Variants in SNCAIP observed in about 807,000 individuals in gnomAD.
SNCAIP encodes synphilin-1.
A neutral mutation model predicts 86.7 loss-of-function variants in SNCAIP; 43 were observed. That is an observed-to-expected ratio of 0.50 (90% CI 0.39 to 0.64). SNCAIP has a LOEUF of 0.64. SNCAIP is among the 30% of genes least tolerant of loss of function. The pLI is 0.00. For synonymous variants in SNCAIP, 417 were observed against 427.2 expected (o/e 0.98, Z 0.29); for missense variants, 981 against 1,103.1 (o/e 0.89, Z 1.57).
chr5:122,429,624 G>GT (rs11399012), intron 5 of SNCAIP, among the ~76,000 whole-genome samples: 33,845 of 151,984 alleles, frequency 0.22, 4,352 homozygotes, highest in South Asian at 0.32. Flanking sequence ...GAAGCACATT[G>GT]TATTTGTGTG....
chr5:122,329,574 C>A (rs890452308), intron 1 of SNCAIP, among the ~76,000 whole-genome samples: 4 of 152,116 alleles, frequency 2.6e-5, no homozygotes, highest in Admixed American at 2.6e-4. Context: ...AATGAAAAGA[C>A]AGCCCAGCAT....
At chr5:122,404,271 C>T (rs1433920452) in intron 3 of SNCAIP, among the ~76,000 whole-genome samples, 1 of 152,052 alleles carries the variant, frequency 6.6e-6, no homozygotes, top group Non-Finnish European at 1.5e-5. Flanking sequence ...TGGTGCTTTG[C>T]CAAAGTCGGA....
intron 1 of SNCAIP, among the ~76,000 whole-genome samples, chr5:122,330,829 T>G (rs1344669860): frequency 6.6e-6 from 1 of 152,036 alleles, no homozygotes; most frequent in African/African-American, 2.4e-5. Flanking sequence ...CATTGTAATA[T>G]ATGATGAAAT....
chr5:122,381,638 G>A (rs1227523984), intron 1 of SNCAIP, among the ~76,000 whole-genome samples: 23 of 150,764 alleles, frequency 1.5e-4, no homozygotes, highest in African/African-American at 2.2e-4. Context: ...TCCTAGTCTC[G>A]ATGGTCTTTA....
chr5:122,326,744 A>G (rs1181994648), intron 1 of SNCAIP, among the ~76,000 whole-genome samples: 1 of 151,426 alleles, frequency 6.6e-6, no homozygotes, highest in East Asian at 1.9e-4. Flanking sequence ...AGCTGAGTAG[A>G]CAAAAACAAA....
At chr5:122,408,550 T>C (rs1443456895) in intron 3 of SNCAIP, among the ~76,000 whole-genome samples, 1 of 152,220 alleles carries the variant, frequency 6.6e-6, no homozygotes, top group Non-Finnish European at 1.5e-5. Flanking sequence ...CTTTGATTCC[T>C]ATTGAAGTCT....
chr5:122,332,970 T>C (rs1755697068), intron 1 of SNCAIP, among the ~76,000 whole-genome samples: 1 of 152,246 alleles, frequency 6.6e-6, no homozygotes, highest in South Asian at 2.1e-4. Context: ...GTAAATACTT[T>C]CTTCCAAAGC....
intron 2 of SNCAIP, among the ~76,000 whole-genome samples, chr5:122,402,143 C>T (rs1771951297): frequency 1.3e-5 from 2 of 151,702 alleles, no homozygotes; most frequent in African/African-American, 4.8e-5. Context: ...GGACACATGG[C>T]AACCAAAACA....
chr5:122,322,438 G>A (rs979136133), intron 1 of SNCAIP, among the ~76,000 whole-genome samples: 2 of 152,094 alleles, frequency 1.3e-5, no homozygotes, highest in Non-Finnish European at 1.5e-5. Flanking sequence ...TTTTTAAAAG[G>A]GATTTTTATC....
intron 1 of SNCAIP, among the ~76,000 whole-genome samples, chr5:122,326,101 A>T (rs983281890): frequency 6.6e-6 from 1 of 152,214 alleles, no homozygotes; most frequent in Non-Finnish European, 1.5e-5. Flanking sequence ...AGCATCTTCA[A>T]CTTAATTACT....
intron 10 of SNCAIP, chr5:122,454,634 C>A (rs1256985238): frequency 6.5e-6 from 1 of 152,698 alleles, no homozygotes; most frequent in Non-Finnish European, 1.5e-5. Flanking sequence ...CTGTCCCCAT[C>A]TTGGGAGGAA....
At position 122,463,527 on chromosome 5, in the gene SNCAIP, C is replaced by T; in HGVS notation, c.*31C>T. ...TCAATAGAAAAATGAAGAAATCCTACAGCATAAAGCACATTGCTGAGCCAG... is the reference window on the plus strand; with the variant it reads ...TCAATAGAAAAATGAAGAAATCCTATAGCATAAAGCACATTGCTGAGCCAG... On this transcript the variant is annotated 3_prime_UTR_variant, in exon 11 of 11. Coordinates refer to ENST00000261368, the MANE Select transcript of SNCAIP (RefSeq NM_005460.4). 6.2e-7 allele frequency: 1 copy of T among 1,609,446 alleles called. No homozygotes were observed. Among genetic ancestry groups the T allele is most frequent in the African/African-American group, 1.3e-5 (1 of 74,918 alleles).
At chr5:122,442,689 T>C (rs1781323247) in intron 7 of SNCAIP, among the ~76,000 whole-genome samples, 2 of 152,214 alleles carry the variant, frequency 1.3e-5, no homozygotes, top group Non-Finnish European at 2.9e-5. Context: ...AAACAAACTT[T>C]TAAGCAGCTA....
chr5:122,403,329 C>T (rs1355841289), intron 2 of SNCAIP, among the ~76,000 whole-genome samples: 1 of 152,198 alleles, frequency 6.6e-6, no homozygotes, highest in Non-Finnish European at 1.5e-5. Context: ...TTGCCTAGTC[C>T]AGTCAGCATC....
rs184369989 is a variant in SNCAIP at position 122,390,059 on chromosome 5, T to G, written c.-46-1030T>G. 2.0e-5 allele frequency among the ~76,000 whole-genome samples: 3 copies of G among 152,292 alleles called. No homozygotes were observed. The East Asian group carries it at 5.8e-4, about 29-fold the overall frequency. On this transcript the variant is annotated intron_variant, in intron 1 of 10. Coordinates refer to ENST00000261368, the MANE Select transcript of SNCAIP (RefSeq NM_005460.4). ...CATTTTCATCAGGCTAGATGTATTT[T>G]CACTTTCCAGTAATGCACTCCTTAT...
In SNCAIP at chr5:122,423,434, A is replaced by C. The variant is rs1166376114; in HGVS notation, c.697A>C (p.Thr233Pro). ...AVIHDQHKLS[T>P]EETEISPPLV... ...CATCCACGACCAGCACAAGCTGTCCACTGAAGAAACCGAGATCTCACCTCC... is the reference window on the plus strand; with the variant it reads ...CATCCACGACCAGCACAAGCTGTCCCCTGAAGAAACCGAGATCTCACCTCC... Residue 233 changes from threonine to proline, a missense_variant, in exon 4 of 11, where the codon ACT becomes CCT. Coordinates refer to ENST00000261368, the MANE Select transcript of SNCAIP (RefSeq NM_005460.4). 1.9e-6 allele frequency: 3 copies of C among 1,613,802 alleles called. No homozygotes were observed. The highest frequency in any genetic ancestry group is 2.5e-6 in the Non-Finnish European group (3 of 1,179,922).
Position 122,423,534 on chromosome 5 carries a change from C to T in SNCAIP, c.797C>T (p.Pro266Leu), listed in dbSNP as rs1274636891. The T allele has an allele frequency of 6.2e-7, 1 of 1,613,964 alleles. No individual in the cohort carries two copies. The highest frequency in any genetic ancestry group is 8.5e-7 in the Non-Finnish European group (1 of 1,180,012). ...TTCCTAAACAAGACATTTAGTGATCCTCATGGTCGAAAAGTTGAGAAGACA... is the reference window on the plus strand; with the variant it reads ...TTCCTAAACAAGACATTTAGTGATCTTCATGGTCGAAAAGTTGAGAAGACA... The part of the protein sequence containing the change: ...KDFLNKTFSD[P>L]HGRKVEKTTP... Residue 266 changes from proline (P) to leucine (L), a missense_variant, in exon 4 of 11, where the codon CCT becomes CTT. Physicochemically the swap from Pro to Leu is moderately conservative, Grantham distance 98. Coordinates refer to ENST00000261368, the MANE Select transcript of SNCAIP (RefSeq NM_005460.4).
At position 122,391,152 on chromosome 5, in the gene SNCAIP, C is replaced by A; in HGVS notation, c.18C>A (p.Tyr6Ter). Residue 6 changes from tyrosine (Y) to a stop codon, truncating the protein, a stop_gained, in exon 2 of 11, where the codon TAC becomes TAA. Transcript: ENST00000261368. LOFTEE classifies it high-confidence loss of function. MEAPE[Y>*]LDLDEIDFSD... ...GAAGAATAATGGAAGCCCCTGAATA[C>A]CTTGATTTGGATGAAATTGACTTTA... 1 of 1,610,956 alleles carries A rather than the reference C, an allele frequency of 6.2e-7. No individual in the cohort carries two copies. Among genetic ancestry groups the A allele is most frequent in the Non-Finnish European group, 8.5e-7 (1 of 1,177,198 alleles).
At chr5:122,449,766 T>C in intron 8 of SNCAIP, 79 bp from the exon 9 acceptor site, 1 of 972,190 alleles carries the variant, frequency 1.0e-6, no homozygotes, top group Non-Finnish European at 1.7e-6. Context: ...CTGGAAATTA[T>C]TACGAAAAAT....
Sources: allele counts gnomAD v4.1 joint callset (sites outside exome capture counted in the v4.1 genomes callset), GRCh38; gene constraint gnomAD v4.1.1; transcripts MANE v1.5; gene names NCBI Gene and HGNC (gene_info 2026-07-23, HGNC 2026-07-21).